CNTNAP2: variants seen among roughly 807,000 people sequenced by gnomAD.
CNTNAP2 encodes the protein contactin-associated protein-like 2.
CNTNAP2 carries 98 observed loss-of-function variants against 155.2 expected under a neutral mutation model. The observed-to-expected ratio is 0.63, with a 90% CI of 0.54 to 0.75. The LOEUF (loss-of-function observed/expected upper bound fraction) is 0.75, where lower values mean the gene tolerates loss of function less well. CNTNAP2 is among the 30% of genes least tolerant of loss of function. The pLI, the probability that CNTNAP2 is intolerant of heterozygous loss-of-function variation, is 0.00. For missense variants in CNTNAP2, 1,727 were observed against 1,688.1 expected (o/e 1.02, Z -0.40); for synonymous variants, 651 against 631.2 (o/e 1.03, Z -0.47).
At chr7:147,800,044 A>G (rs1797958969) in intron 13 of CNTNAP2, among the ~76,000 whole-genome samples, 1 of 152,232 alleles carries the variant, frequency 6.6e-6, no homozygotes, top group African/African-American at 2.4e-5. Flanking sequence ...CACAATAAAT[A>G]TATAGTATGT....
At chr7:146,344,470 C>G (rs564488457) in intron 1 of CNTNAP2, among the ~76,000 whole-genome samples, 1 of 144,758 alleles carries the variant, frequency 6.9e-6, no homozygotes, top group East Asian at 2.0e-4. Flanking sequence ...ATTGAACTAG[C>G]TTTTTTTTTT....
intron 13 of CNTNAP2, chr7:147,849,889 T>C (rs1177462709): frequency 6.6e-6 from 1 of 152,274 alleles, no homozygotes; most frequent in African/African-American, 2.4e-5. Context: ...AACCTGTCTA[T>C]GGCCTTACCA....
intron 1 of CNTNAP2, among the ~76,000 whole-genome samples, chr7:146,274,870 T>G (rs886991332): frequency 1.3e-5 from 2 of 152,184 alleles, no homozygotes. Flanking sequence ...AACATTTTTA[T>G]TTTTAGTTTT....
chr7:147,343,823 C>G (rs1368327004), intron 9 of CNTNAP2, among the ~76,000 whole-genome samples: 1 of 152,040 alleles, frequency 6.6e-6, no homozygotes, highest in Non-Finnish European at 1.5e-5. Context: ...CTCTGTGTCA[C>G]TAGGACCACA....
intron 1 of CNTNAP2, among the ~76,000 whole-genome samples, chr7:146,651,696 C>A (rs181147460): frequency 1.0e-3 from 155 of 152,268 alleles, no homozygotes; most frequent in African/African-American, 3.6e-3. Flanking sequence ...ATGATATTCT[C>A]TTATTGCTGT....
chr7:148,075,282 C>T (rs1357090224), intron 15 of CNTNAP2, among the ~76,000 whole-genome samples: 1 of 152,122 alleles, frequency 6.6e-6, no homozygotes, highest in Non-Finnish European at 1.5e-5. Context: ...ACTAAAATTA[C>T]AAAAATTAGC....
At position 146,428,065 on chromosome 7, in the gene CNTNAP2, C is replaced by T. The variant is rs923061448; in HGVS notation, c.97+311092C>T. 4.6e-5 allele frequency among the ~76,000 whole-genome samples: 7 copies of T among 152,296 alleles called. No homozygotes were observed. The South Asian group carries it at 1.5e-3, about 32-fold the overall frequency. ...GCTCCATCCGTGTCCCTGCAAAGGA[C>T]ATAGTCTCGTTCCTTGTTATAACTT... On this transcript the variant is annotated intron_variant, in intron 1 of 23. Transcript: ENST00000361727.
In CNTNAP2 at chr7:148,181,139, G is replaced by A. The variant is rs546624913; in HGVS notation, c.3010+8661G>A. 2.6e-5 allele frequency among the ~76,000 whole-genome samples: 4 copies of A among 152,244 alleles called. No homozygotes were observed. The East Asian group carries it at 7.7e-4, about 29-fold the overall frequency. Reference sequence around the variant, plus strand: ...TGGCTTCTTTTGTTCTGAGGCCTTTGGACTTGGACGGAGCCACACCACTGG... The same window carrying A: ...TGGCTTCTTTTGTTCTGAGGCCTTTAGACTTGGACGGAGCCACACCACTGG... On this transcript the variant is annotated intron_variant, in intron 18 of 23. Coordinates refer to ENST00000361727, the MANE Select transcript of CNTNAP2 (RefSeq NM_014141.6).
At chr7:148,364,732 C>G (rs1798704374) in intron 21 of CNTNAP2, among the ~76,000 whole-genome samples, 1 of 152,164 alleles carries the variant, frequency 6.6e-6, no homozygotes, top group East Asian at 1.9e-4. Flanking sequence ...GGCCACAGGG[C>G]TCTACCAATC....
At chr7:146,908,922 A>G (rs1796209439) in intron 3 of CNTNAP2, among the ~76,000 whole-genome samples, 2 of 147,562 alleles carry the variant, frequency 1.4e-5, no homozygotes, top group Admixed American at 6.7e-5. Context: ...TAATAAAGAA[A>G]AAAAGAGAGA....
At chr7:148,114,843 T>C (rs564373981) in intron 15 of CNTNAP2, among the ~76,000 whole-genome samples, 2 of 152,338 alleles carry the variant, frequency 1.3e-5, no homozygotes, top group African/African-American at 4.8e-5. Flanking sequence ...TTAAAATAAG[T>C]AAAAGCAGAA....
intron 1 of CNTNAP2, among the ~76,000 whole-genome samples, chr7:146,278,642 A>G (rs1800201754): frequency 6.6e-6 from 1 of 152,154 alleles, no homozygotes; most frequent in Admixed American, 6.5e-5. Flanking sequence ...CTCAAACATA[A>G]ATTATGATTT....
intron 10 of CNTNAP2, among the ~76,000 whole-genome samples, chr7:147,406,519 G>A (rs955531351): frequency 6.6e-6 from 1 of 152,074 alleles, no homozygotes; most frequent in Admixed American, 6.6e-5. Context: ...TATCTATACT[G>A]CCCAAAAACT....
intron 15 of CNTNAP2, among the ~76,000 whole-genome samples, chr7:148,079,479 A>T (rs1803556488): frequency 6.6e-6 from 1 of 152,216 alleles, no homozygotes; most frequent in Non-Finnish European, 1.5e-5. Flanking sequence ...CAAAGCCTAC[A>T]GGTAGCCGGC....
At chr7:146,663,048 C>T (rs928758467) in intron 1 of CNTNAP2, among the ~76,000 whole-genome samples, 25 of 151,974 alleles carry the variant, frequency 1.6e-4, no homozygotes, top group Non-Finnish European at 1.9e-4. Flanking sequence ...AAGGCTAAGG[C>T]GGGCGGATCA....
chr7:146,881,507 T>C (rs1795549668), intron 3 of CNTNAP2, among the ~76,000 whole-genome samples: 1 of 152,060 alleles, frequency 6.6e-6, no homozygotes, highest in African/African-American at 2.4e-5. Context: ...ATTTATTTAT[T>C]TATTTTGGGT....
chr7:148,037,633 C>A (rs954929497), intron 15 of CNTNAP2, among the ~76,000 whole-genome samples: 11 of 149,222 alleles, frequency 7.4e-5, no homozygotes, highest in African/African-American at 2.2e-4. Context: ...CCAACCATGG[C>A]TTGAAAATAT....
At chr7:147,723,570 CT>C (rs879792985) in intron 13 of CNTNAP2, among the ~76,000 whole-genome samples, 69 of 145,156 alleles carry the variant, frequency 4.8e-4, no homozygotes, top group South Asian at 6.6e-4. Context: ...TAGACTTTGT[CT>C]TTTTTTTTTT....
intron 2 of CNTNAP2, among the ~76,000 whole-genome samples, chr7:146,821,675 A>G (rs909901580): frequency 6.6e-6 from 1 of 152,148 alleles, no homozygotes; most frequent in Non-Finnish European, 1.5e-5. Flanking sequence ...GTGAACAGAC[A>G]CTTCTCAAAA....
Sources: gnomAD v4.1 joint callset for allele counts (sites outside exome capture counted in the v4.1 genomes callset) on GRCh38, gnomAD v4.1.1 for gene constraint, MANE v1.5 for transcripts, NCBI Gene and HGNC (gene_info 2026-07-23, HGNC 2026-07-21) for gene names.